Variants in LIN9 observed in about 807,000 individuals in gnomAD.
The protein encoded by LIN9 is lin-9 DREAM MuvB core complex component.
In LIN9, 18 loss-of-function variants were observed where a neutral mutation model predicts 78.0. The ratio of observed to expected loss-of-function variants is 0.23; its 90% CI spans 0.16 to 0.34. LIN9 has a LOEUF of 0.34. LIN9 is among the 10% of genes least tolerant of loss of function. The probability of loss-of-function intolerance (pLI) is 1.00; values close to 1 mark genes in which losing one functional copy is unlikely to be tolerated. For missense variants in LIN9, 451 were observed against 644.1 expected (o/e 0.70, Z 3.25); for synonymous variants, 192 against 215.2 (o/e 0.89, Z 0.94).
At chr1:226,262,088 CAA>C (rs1297994534) in intron 10 of LIN9, among the ~76,000 whole-genome samples, 2 of 151,988 alleles carry the variant, frequency 1.3e-5, no homozygotes, top group Non-Finnish European at 2.9e-5. Context: ...AAACAAACAA[CAA>C]AAAAATGAAT....
intron 2 of LIN9, among the ~76,000 whole-genome samples, chr1:226,299,638 A>G (rs892510141): frequency 6.6e-6 from 1 of 152,210 alleles, no homozygotes; most frequent in African/African-American, 2.4e-5. Context: ...TGTCTTCTCA[A>G]GCTAGAAGGA....
intron 10 of LIN9, among the ~76,000 whole-genome samples, chr1:226,253,344 G>A (rs555894206): frequency 6.0e-5 from 9 of 150,604 alleles, no homozygotes; most frequent in African/African-American, 1.7e-4. Flanking sequence ...TTGCTCTGTC[G>A]CCCAGGCTAG....
chr1:226,239,197 A>G (rs1576275132), intron 11 of LIN9, 101 bp from the exon 12 acceptor site: 1 of 1,177,648 alleles, frequency 8.5e-7, no homozygotes, highest in Non-Finnish European at 1.2e-6. Context: ...AAGCAAACTA[A>G]AGGTTATTAA....
chr1:226,232,759 CAGT>C (rs1657420565), intron 14 of LIN9, 153 bp from the exon 15 acceptor site: 1 of 530,218 alleles, frequency 1.9e-6, no homozygotes, highest in Non-Finnish European at 3.3e-6. Context: ...AATTCTACTT[CAGT>C]AGTAGTTGAA....
chr1:226,250,923 C>A lies in LIN9; in HGVS notation c.1039-4G>T. ...TGAGAATTTTTGATAATCTGGTCTA[C>A]AGACAAAGAAGAAATATTTTAGAAT... On this transcript the variant is annotated splice_region_variant and splice_polypyrimidine_tract_variant and intron_variant, in intron 10 of 14. Coordinates refer to ENST00000681046, the MANE Select transcript of LIN9 (RefSeq NM_001366245.2). The A allele has an allele frequency of 7.2e-7, 1 of 1,391,900 alleles. No homozygotes were observed. The highest frequency in any genetic ancestry group is 1.0e-6 in the Non-Finnish European group (1 of 995,564). The allele number at this position is 1,391,900 out of a possible 1,614,324, so 86.2% of individuals were successfully genotyped here.
At chr1:226,232,666 T>A in intron 14 of LIN9, 60 bp from the exon 15 acceptor site, 27 of 1,030,910 alleles carry the variant, frequency 2.6e-5, no homozygotes, top group Non-Finnish European at 3.5e-5. Flanking sequence ...AAAAAATTTT[T>A]AAAAGAAGAC....
At chr1:226,274,370 A>G (rs1035263012) in intron 7 of LIN9, among the ~76,000 whole-genome samples, 1 of 152,216 alleles carries the variant, frequency 6.6e-6, no homozygotes, top group African/African-American at 2.4e-5. Context: ...CATCCATATC[A>G]GTGCTCCTCT....
intron 3 of LIN9, 132 bp downstream of exon 3, chr1:226,297,587 G>T (rs895987885): frequency 4.1e-6 from 2 of 489,264 alleles, no homozygotes; most frequent in African/African-American, 2.0e-5. Flanking sequence ...AGATCAAACA[G>T]TGCTTAATGA....
intron 11 of LIN9, among the ~76,000 whole-genome samples, chr1:226,250,486 A>G (rs566657746): frequency 6.6e-6 from 1 of 152,330 alleles, no homozygotes; most frequent in East Asian, 1.9e-4. Context: ...TTTACTTAGC[A>G]TATGTTCTGT....
chr1:226,257,017 G>A (rs557388747), intron 10 of LIN9, among the ~76,000 whole-genome samples: 46 of 152,010 alleles, frequency 3.0e-4, no homozygotes, highest in African/African-American at 1.0e-3. Context: ...GCAATGGAGC[G>A]ATTTTGGCTC....
At chr1:226,233,584 G>A (rs1657489736) in intron 12 of LIN9, 61 bp from the exon 13 acceptor site, 1 of 1,299,476 alleles carries the variant, frequency 7.7e-7, no homozygotes, top group Non-Finnish European at 1.0e-6. Context: ...ATTTCTGTAT[G>A]TGTTTGTGCC....
intron 6 of LIN9, among the ~76,000 whole-genome samples, chr1:226,283,203 T>C (rs1661176404): frequency 6.6e-6 from 1 of 151,844 alleles, no homozygotes; most frequent in African/African-American, 2.4e-5. Context: ...CATGGCTCAC[T>C]GCAGCCTCAA....
chr1:226,293,209 A>T (rs1475189819), intron 4 of LIN9, among the ~76,000 whole-genome samples: 1 of 152,340 alleles, frequency 6.6e-6, no homozygotes, highest in African/African-American at 2.4e-5. Context: ...GAGGATATAA[A>T]AACTTTTCAC....
intron 1 of LIN9, among the ~76,000 whole-genome samples, chr1:226,306,046 G>A (rs1242289177): frequency 6.6e-6 from 1 of 152,034 alleles, no homozygotes; most frequent in African/African-American, 2.4e-5. Context: ...AAAGTGGCTG[G>A]GGGCGCGGTG....
chr1:226,302,983 CT>C (rs1308774626), intron 1 of LIN9, among the ~76,000 whole-genome samples: 5 of 150,462 alleles, frequency 3.3e-5, no homozygotes, highest in African/African-American at 1.2e-4. Flanking sequence ...ACTCTACTCT[CT>C]TGCCCAGATG....
At chr1:226,239,360 A>C (rs1394442767) in intron 11 of LIN9, among the ~76,000 whole-genome samples, 1 of 152,210 alleles carries the variant, frequency 6.6e-6, no homozygotes, top group Non-Finnish European at 1.5e-5. Flanking sequence ...GCAAAATGTT[A>C]ATTGATAAAT....
intron 6 of LIN9, among the ~76,000 whole-genome samples, chr1:226,284,189 A>C (rs1433753753): frequency 6.6e-6 from 1 of 152,140 alleles, no homozygotes; most frequent in Non-Finnish European, 1.5e-5. Context: ...CTTGAGAGTC[A>C]ACCATTGCAA....
chr1:226,309,306 G>A, upstream of LIN9: 5 of 1,033,024 alleles, frequency 4.8e-6, no homozygotes, highest in South Asian at 1.4e-4. Flanking sequence ...GCCCGCGCCT[G>A]CCCGGGGAGG....
intron 10 of LIN9, 142 bp from the exon 11 acceptor site, chr1:226,251,061 T>C: frequency 2.0e-6 from 1 of 491,096 alleles, no homozygotes; most frequent in Admixed American, 4.0e-5. Context: ...AGCATTGTTT[T>C]GGTTTTTTTT....
Sources: allele counts gnomAD v4.1 joint callset (sites outside exome capture counted in the v4.1 genomes callset), GRCh38; gene constraint gnomAD v4.1.1; transcripts MANE v1.5; gene names NCBI Gene and HGNC (gene_info 2026-07-23, HGNC 2026-07-21).